TGIF1: variants seen among roughly 807,000 people sequenced by gnomAD.
The protein encoded by TGIF1 is TGFB induced factor homeobox 1.
In TGIF1, 4 loss-of-function variants were observed where a neutral mutation model predicts 19.3. That is an observed-to-expected ratio of 0.21 (90% CI 0.10 to 0.47). The LOEUF is 0.47. Among genes scored for constraint, TGIF1 ranks in the 20% least tolerant of loss-of-function variants. The pLI is 0.98. For missense variants in TGIF1, 275 were observed against 341.4 expected (o/e 0.81, Z 1.53); for synonymous variants, 122 against 129.3 (o/e 0.94, Z 0.38).
At chr18:3,443,939 T>C (rs2082706961) in intron 2 of TGIF1, among the ~76,000 whole-genome samples, 1 of 150,068 alleles carries the variant, frequency 6.7e-6, no homozygotes, top group Non-Finnish European at 1.5e-5. Flanking sequence ...ATTCTTTCTT[T>C]TTTTTTTTTT....
intron 1 of TGIF1, among the ~76,000 whole-genome samples, chr18:3,417,474 A>AT (rs1373392094): frequency 1.3e-5 from 2 of 152,164 alleles, no homozygotes; most frequent in Non-Finnish European, 2.9e-5. Flanking sequence ...TGTTAAATAA[A>AT]TTCTACTACA....
In TGIF1 at chr18:3,451,854, C is replaced by CG. The variant is rs1199746777; in HGVS notation, c.16+1355dup. On this transcript the variant is annotated intron_variant, in intron 1 of 2. Coordinates refer to ENST00000343820, the MANE Select transcript of TGIF1 (RefSeq NM_003244.4). The surrounding 1 kb of genome is among the most constrained non-coding windows in gnomAD (Gnocchi z 5.4). ...GGAATTGGCCCTGGGAGAAAACGCGCGGGGGGCGTCCGAGACGCCCCGTGA... is the reference window on the plus strand; with the variant it reads ...GGAATTGGCCCTGGGAGAAAACGCGCGGGGGGGCGTCCGAGACGCCCCGTGA... 1.7e-5 allele frequency: 24 copies of CG among 1,401,392 alleles called. 1 individual carries two copies. Among genetic ancestry groups the CG allele is most frequent in the Middle Eastern group, 5.4e-4 (2 of 3,730 alleles). 86.8% of individuals were successfully genotyped at this position (1,401,392 alleles called of 1,614,324 possible).
intron 1 of TGIF1, chr18:3,415,408 G>A: frequency 2.0e-6 from 1 of 490,022 alleles, no homozygotes; most frequent in Non-Finnish European, 4.1e-6. Flanking sequence ...ATTGGAAGCT[G>A]GAGTAGACAG....
chr18:3,412,072 G>T, exon 1 of TGIF1: 1 of 162,480 alleles, frequency 6.2e-6, no homozygotes, highest in East Asian at 1.4e-4. Flanking sequence ...GCCTCAGCGG[G>T]GCAAAGGCCA....
At position 3,450,239 on chromosome 18, in the gene TGIF1, A is replaced by T; in HGVS notation, c.-251A>T. The stretch of plus-strand genomic sequence containing the variant: ...AAGGAGCGGAGAGGGGAGGGGAGAG[A>T]GTTGGGCGAGGGAGAGCCCCCGGCC... On this transcript the variant is annotated 5_prime_UTR_variant, in exon 1 of 3. Coordinates refer to ENST00000343820, the MANE Select transcript of TGIF1 (RefSeq NM_003244.4). 1 of 1,421,564 alleles carries T rather than the reference A, an allele frequency of 7.0e-7. No homozygotes were observed. The highest frequency in any genetic ancestry group is 2.6e-5 in the East Asian group (1 of 39,018). 88.1% of individuals were successfully genotyped at this position (1,421,564 alleles called of 1,614,324 possible).
chr18:3,456,542 G>A lies in TGIF1; in HGVS notation c.205G>A (p.Ala69Thr). Residue 69 changes from alanine to threonine, a missense_variant, in exon 2 of 3, where the codon GCG becomes ACG. Ala to Thr is a moderately conservative substitution (Grantham distance 58). Transcript: ENST00000343820. The surrounding 1 kb of genome is among the most constrained non-coding windows in gnomAD (Gnocchi z 4.2). ...TGCCTATCCTTCAGAGCAAGAAAAA[G>A]CGTTGCTGTCCCAGCAAACACACCT... ...YNAYPSEQEK[A>T]LLSQQTHLST... The A allele has an allele frequency of 6.2e-7, 1 of 1,614,230 alleles. No individual in the cohort carries two copies. The highest frequency in any genetic ancestry group is 8.5e-7 in the Non-Finnish European group (1 of 1,180,038).
chr18:3,425,922 T>A (rs761056813), intron 2 of TGIF1, among the ~76,000 whole-genome samples: 10 of 152,152 alleles, frequency 6.6e-5, no homozygotes, highest in South Asian at 4.1e-4. Flanking sequence ...CGGAATTGAT[T>A]GCTTGCTTGG....
chr18:3,445,785 A>T (rs1290870261), upstream of TGIF1, among the ~76,000 whole-genome samples: 1 of 146,792 alleles, frequency 6.8e-6, no homozygotes, highest in Non-Finnish European at 1.5e-5. Flanking sequence ...AAAAAAAAAA[A>T]AAGCGCAGAC....
At chr18:3,430,813 G>T (rs2082537610) in intron 2 of TGIF1, among the ~76,000 whole-genome samples, 1 of 151,886 alleles carries the variant, frequency 6.6e-6, no homozygotes, top group Admixed American at 6.6e-5. Context: ...CACCCGGCTA[G>T]TTTTAGTGTC....
intron 2 of TGIF1, among the ~76,000 whole-genome samples, chr18:3,444,599 T>C (rs1340410400): frequency 6.6e-6 from 1 of 152,216 alleles, no homozygotes; most frequent in Non-Finnish European, 1.5e-5. Context: ...AGGCACTGTA[T>C]TAAGTACATA....
chr18:3,449,625 C>G, upstream of TGIF1: 1 of 984,734 alleles, frequency 1.0e-6, no homozygotes, highest in Non-Finnish European at 1.2e-6. Context: ...GCCGCGCCCG[C>G]GTGTCAATGG....
At chr18:3,447,653 G>C (rs567223597), upstream of TGIF1, 2 of 1,486,938 alleles carry the variant, frequency 1.3e-6, no homozygotes, top group East Asian at 2.3e-5. Context: ...CTACGGGAGC[G>C]GTTGGGCTGT....
chr18:3,454,319 A>G (rs1349538081), intron 1 of TGIF1, among the ~76,000 whole-genome samples: 2 of 152,234 alleles, frequency 1.3e-5, no homozygotes, highest in African/African-American at 4.8e-5. Flanking sequence ...ACTCTTTGTG[A>G]TTACCAACTT....
At chr18:3,455,494 T>C (rs2083138543) in intron 1 of TGIF1, 1 of 152,236 alleles carries the variant, frequency 6.6e-6, no homozygotes, top group South Asian at 2.1e-4. Flanking sequence ...AAGACTGAAC[T>C]CTGCTTATTG....
chr18:3,431,722 T>A (rs2082549510), intron 2 of TGIF1, among the ~76,000 whole-genome samples: 1 of 152,140 alleles, frequency 6.6e-6, no homozygotes, highest in Admixed American at 6.5e-5. Flanking sequence ...TTATTATTAT[T>A]TCAGATGGAG....
At chr18:3,420,684 C>T (rs770804247) in intron 2 of TGIF1, among the ~76,000 whole-genome samples, 2 of 152,140 alleles carry the variant, frequency 1.3e-5, no homozygotes, top group Non-Finnish European at 2.9e-5. Flanking sequence ...TAACACTAAT[C>T]AAAAGAAAGC....
chr18:3,448,391 C>T, upstream of TGIF1: 1 of 1,009,000 alleles, frequency 9.9e-7, no homozygotes, highest in African/African-American at 1.7e-5. Flanking sequence ...CGCTGGCCCC[C>T]TCCCTGCGCC....
intron 2 of TGIF1, among the ~76,000 whole-genome samples, chr18:3,426,097 C>T (rs953765071): frequency 1.3e-5 from 2 of 151,802 alleles, no homozygotes; most frequent in African/African-American, 4.8e-5. Flanking sequence ...GAGCAGTCCC[C>T]CAACTTCGAA....
intron 1 of TGIF1, among the ~76,000 whole-genome samples, chr18:3,414,994 G>A (rs973483856): frequency 5.3e-5 from 8 of 152,218 alleles, no homozygotes; most frequent in Non-Finnish European, 1.0e-4. Flanking sequence ...AGGGCAATTT[G>A]ACAATGCATG....
Sources: allele counts gnomAD v4.1 joint callset (sites outside exome capture counted in the v4.1 genomes callset), GRCh38; gene constraint gnomAD v4.1.1; non-coding constraint Gnocchi (gnomAD v3.1); transcripts MANE v1.5; gene names NCBI Gene and HGNC (gene_info 2026-07-23, HGNC 2026-07-21).